Variants in NCAM1 observed in about 807,000 individuals in gnomAD.
NCAM1 encodes neural cell adhesion molecule 1, also known as antigen recognized by monoclonal antibody 5.1H11.
NCAM1 carries 14 observed loss-of-function variants against 109.8 expected under a neutral mutation model. The ratio of observed to expected loss-of-function variants is 0.13; its 90% CI spans 0.08 to 0.20. The LOEUF is 0.20. Ranked by LOEUF, NCAM1 falls within the 10% of genes least tolerant of loss-of-function variation. NCAM1 has a pLI of 1.00. For missense variants in NCAM1, 774 were observed against 1,109.9 expected (o/e 0.70, Z 4.30); for synonymous variants, 418 against 442.9 (o/e 0.94, Z 0.70).
intron 1 of NCAM1, among the ~76,000 whole-genome samples, chr11:113,028,503 A>G (rs1036524055): frequency 1.7e-4 from 25 of 150,740 alleles, no homozygotes; most frequent in African/African-American, 6.1e-4. Flanking sequence ...ACTAAACCAA[A>G]TCTATGAATT....
At chr11:113,112,030 T>A (rs1555093818) in intron 1 of NCAM1, among the ~76,000 whole-genome samples, 1 of 152,190 alleles carries the variant, frequency 6.6e-6, no homozygotes, top group Non-Finnish European at 1.5e-5. Flanking sequence ...TGAAAAATAA[T>A]GAAGGTGGTC....
At chr11:113,263,728 G>A (rs930226870) in intron 17 of NCAM1, 78 of 985,376 alleles carry the variant, frequency 7.9e-5, no homozygotes, top group East Asian at 1.1e-4. Context: ...GAGTGGGGCC[G>A]TGGTTCAGCA....
At chr11:113,263,090 CAT>C in intron 17 of NCAM1, 1 of 1,362,436 alleles carries the variant, frequency 7.3e-7, no homozygotes, top group South Asian at 2.0e-5. Flanking sequence ...TACCTCCAGA[CAT>C]GTCACCACTC....
chr11:113,214,628 A>G, intron 8 of NCAM1, 117 bp downstream of exon 8: 2 of 1,204,540 alleles, frequency 1.7e-6, no homozygotes, highest in Non-Finnish European at 2.3e-6. Context: ...ACCAGAGGCC[A>G]CAGCCAGATC....
chr11:113,255,175 A>C (rs1250758355), intron 15 of NCAM1, among the ~76,000 whole-genome samples: 2 of 152,220 alleles, frequency 1.3e-5, no homozygotes, highest in Non-Finnish European at 2.9e-5. Flanking sequence ...AAGTCTTGAG[A>C]ATTAGCACTC....
intron 9 of NCAM1, chr11:113,231,137 A>G: frequency 6.8e-7 from 1 of 1,461,592 alleles, no homozygotes; most frequent in Non-Finnish European, 9.2e-7. Context: ...AGGCATCTGC[A>G]GAAATAAGGA....
In NCAM1 at chr11:113,205,652, T is replaced by A. The variant is rs377357078; in HGVS notation, c.476T>A (p.Ile159Asn). The A allele has an allele frequency of 3.1e-6, 5 of 1,612,350 alleles. No homozygotes were observed. The African/African-American group carries it at 6.7e-5, about 22-fold the overall frequency. The part of the protein sequence containing the change: ...IIWKHKGRDV[I>N]LKKDVRFIVL... ...TGGAAACACAAAGGCCGAGATGTCATCCTGAAAAAAGATGGTGAGACCTGA... is the reference window on the plus strand; with the variant it reads ...TGGAAACACAAAGGCCGAGATGTCAACCTGAAAAAAGATGGTGAGACCTGA... The change falls in exon 4 of 20, where the codon ATC becomes AAC. Residue 159 changes from isoleucine to asparagine, a missense_variant. Around this residue, in one of 4 missense-constraint regions of NCAM1, gnomAD observed 523 missense variants for 784.2 expected, o/e 0.67. Coordinates refer to ENST00000316851, the MANE Select transcript of NCAM1 (RefSeq NM_181351.5).
At chr11:113,168,769 G>A (rs1322193856) in intron 1 of NCAM1, among the ~76,000 whole-genome samples, 1 of 152,108 alleles carries the variant, frequency 6.6e-6, no homozygotes, top group Non-Finnish European at 1.5e-5. Flanking sequence ...ATTTAACCAC[G>A]GATGATAGTA....
intron 1 of NCAM1, among the ~76,000 whole-genome samples, chr11:113,034,510 A>G (rs1487661710): frequency 3.9e-5 from 6 of 152,178 alleles, no homozygotes; most frequent in Non-Finnish European, 5.9e-5. Context: ...TCATCTGTAC[A>G]TATGAATTGC....
intron 1 of NCAM1, among the ~76,000 whole-genome samples, chr11:113,152,429 C>G (rs142603254): frequency 6.6e-6 from 1 of 152,366 alleles, no homozygotes; most frequent in Non-Finnish European, 1.5e-5. Context: ...ATATATGAAA[C>G]AAATCAGTGT....
intron 1 of NCAM1, among the ~76,000 whole-genome samples, chr11:113,096,754 A>G (rs1555090512): frequency 1.3e-5 from 2 of 152,050 alleles, no homozygotes; most frequent in Non-Finnish European, 2.9e-5. Context: ...CAGAGCCCTC[A>G]TCCCACGACT....
intron 1 of NCAM1, among the ~76,000 whole-genome samples, chr11:112,980,436 TG>T (rs1199663982): frequency 6.6e-6 from 1 of 151,714 alleles, no homozygotes; most frequent in Non-Finnish European, 1.5e-5. Context: ...TTCCATCAAT[TG>T]ATGAATGGAC....
chr11:113,225,731 C>T (rs191820190), intron 9 of NCAM1, among the ~76,000 whole-genome samples: 3 of 152,210 alleles, frequency 2.0e-5, no homozygotes, highest in Admixed American at 1.3e-4. Context: ...AATAGCTGAT[C>T]GCTCGGCAGA....
In NCAM1 at chr11:113,276,514, A is replaced by C. The variant is rs1946401484; in HGVS notation, c.*1127A>C. 1 of 152,632 alleles carries C rather than the reference A, an allele frequency of 6.6e-6. No homozygotes were observed. Among genetic ancestry groups the C allele is most frequent in the Non-Finnish European group, 1.5e-5 (1 of 68,050 alleles). 9.5% of individuals were successfully genotyped at this position (152,632 alleles called of 1,614,324 possible). On this transcript the variant is annotated 3_prime_UTR_variant, in exon 20 of 20. Coordinates refer to ENST00000316851, the MANE Select transcript of NCAM1 (RefSeq NM_181351.5). ...TGTTGAATGAAGCAGAGAAGATTGT[A>C]TAGTTGGGGCTGGTCTTGGTGAACA...
Position 113,238,827 on chromosome 11 carries a change from G to A in NCAM1, c.1825+3663G>A, listed in dbSNP as rs1159523863. Among the ~76,000 whole-genome samples the A allele has an allele frequency of 2.6e-5, 4 of 152,164 alleles. No individual in the cohort carries two copies. In the East Asian group the frequency reaches 5.8e-4, roughly 22 times the overall value. Reference sequence around the variant, plus strand: ...CTCCTACCACTGGAGTTGTGCTCTGGTTATACCCCAAGCCCCAAGGAAGAG... The same window carrying A: ...CTCCTACCACTGGAGTTGTGCTCTGATTATACCCCAAGCCCCAAGGAAGAG... On this transcript the variant is annotated intron_variant, in intron 14 of 19. Transcript: ENST00000316851.
At chr11:112,993,967 A>G (rs1423195678) in intron 1 of NCAM1, among the ~76,000 whole-genome samples, 1 of 151,872 alleles carries the variant, frequency 6.6e-6, no homozygotes, top group Non-Finnish European at 1.5e-5. Context: ...CCTGTCTGCT[A>G]CTCTCTTCTG....
intron 14 of NCAM1, among the ~76,000 whole-genome samples, chr11:113,244,687 G>GTGTGTGT (rs1945448304): frequency 7.4e-6 from 1 of 135,554 alleles, no homozygotes; most frequent in African/African-American, 2.7e-5. Flanking sequence ...GTGTGTGTGT[G>GTGTGTGT]GACCCATTTA....
chr11:113,189,990 A>C (rs1031617683), intron 1 of NCAM1, among the ~76,000 whole-genome samples: 2 of 151,992 alleles, frequency 1.3e-5, no homozygotes, highest in Non-Finnish European at 2.9e-5. Flanking sequence ...GGAAGACAGG[A>C]GCATAATTAG....
At position 113,233,069 on chromosome 11, in the gene NCAM1, A is replaced by C; in HGVS notation, c.1523-78A>C. ...CCAAGAGTGAGCAGAAATGACAGAG[A>C]TGTGCCTTGTGACTGAGAGTTAATG... On this transcript the variant is annotated intron_variant, in intron 12 of 19. Coordinates refer to ENST00000316851, the MANE Select transcript of NCAM1 (RefSeq NM_181351.5). The surrounding 1 kb of genome is among the most constrained non-coding windows in gnomAD (Gnocchi z 4.5). 1 of 1,391,678 alleles carries C rather than the reference A, an allele frequency of 7.2e-7. No homozygotes were observed. Among genetic ancestry groups the C allele is most frequent in the Non-Finnish European group, 9.9e-7 (1 of 1,007,116 alleles). The allele number at this position is 1,391,678 out of a possible 1,614,324, so 86.2% of individuals were successfully genotyped here.
Sources: gnomAD v4.1 joint callset for allele counts (sites outside exome capture counted in the v4.1 genomes callset) on GRCh38, gnomAD v4.1.1 for gene constraint, gnomAD v4.1.1 regional missense constraint, Gnocchi (gnomAD v3.1) non-coding constraint, MANE v1.5 for transcripts, NCBI Gene and HGNC (gene_info 2026-07-23, HGNC 2026-07-21) for gene names.